Variants in CSNK2A1 observed in about 807,000 individuals in gnomAD.
CSNK2A1 encodes the protein casein kinase 2 alpha 1.
CSNK2A1 carries 10 observed loss-of-function variants against 62.9 expected under a neutral mutation model. That is an observed-to-expected ratio of 0.16 (90% CI 0.10 to 0.27). The LOEUF (loss-of-function observed/expected upper bound fraction) is 0.27. Ranked by LOEUF, CSNK2A1 falls within the 10% of genes least tolerant of loss-of-function variation. The pLI is 1.00. For synonymous variants in CSNK2A1, 124 were observed against 167.8 expected (o/e 0.74, Z 2.02); for missense variants, 160 against 492.0 (o/e 0.33, Z 6.38).
intron 2 of CSNK2A1, among the ~76,000 whole-genome samples, chr20:524,846 G>A (rs923609729): frequency 1.3e-5 from 2 of 151,848 alleles, no homozygotes; most frequent in African/African-American, 4.8e-5. Context: ...ATTAAGAGCT[G>A]GGCACAGCTC....
At position 472,978 on chromosome 20, in the gene CSNK2A1, A is replaced by T. The variant is rs893589924; in HGVS notation, c.*10983T>A. On this transcript the variant is annotated 3_prime_UTR_variant, in exon 14 of 14. Coordinates refer to ENST00000217244, the MANE Select transcript of CSNK2A1 (RefSeq NM_177559.3). The stretch of plus-strand genomic sequence containing the variant: ...AGCTGCGATCACACCACTGCACTTC[A>T]GCCTGGGCAACAGAGCAAGACCTTG... 2.6e-5 allele frequency: 4 copies of T among 152,420 alleles called. No homozygotes were observed. The highest frequency in any genetic ancestry group is 9.6e-5 in the African/African-American group (4 of 41,464). 9.4% of individuals were successfully genotyped at this position (152,420 alleles called of 1,614,324 possible).
In CSNK2A1 at chr20:480,085, C is replaced by T. The variant is rs532531262; in HGVS notation, c.*3876G>A. The T allele has an allele frequency of 2.6e-5, 4 of 152,192 alleles. No homozygotes were observed. The highest frequency in any genetic ancestry group is 4.4e-5 in the Non-Finnish European group (3 of 68,034). 9.4% of individuals were successfully genotyped at this position (152,192 alleles called of 1,614,324 possible). On this transcript the variant is annotated 3_prime_UTR_variant, in exon 14 of 14. Transcript: ENST00000217244. ...TTGGCCAGGATCATTCCTTAGTCTT[C>T]AGATACCTATTTATCAGGGTCTCAT...
At chr20:485,103 A>ATAATAATAATAAT (rs2018059131) in intron 13 of CSNK2A1, among the ~76,000 whole-genome samples, 1 of 26,124 alleles carries the variant, frequency 3.8e-5, no homozygotes, top group African/African-American at 1.2e-4. Flanking sequence ...AAAAAAAAAA[A>ATAATAATAATAAT]AAAAAAATAT....
chr20:486,174 G>T lies in CSNK2A1; in HGVS notation c.1060+202C>A, dbSNP rs143577450. On this transcript the variant is annotated intron_variant, in intron 13 of 13. Coordinates refer to ENST00000217244, the MANE Select transcript of CSNK2A1 (RefSeq NM_177559.3). ...AAAAATTTTCAGCCAGGAATGCTGA[G>T]ATTCTAGCCTAGAAGGGGATACCCT... Among the ~76,000 whole-genome samples, 23 of 152,130 alleles carry T rather than the reference G, an allele frequency of 1.5e-4. No individual in the cohort carries two copies. The East Asian group carries it at 3.9e-3, about 26-fold the overall frequency.
chr20:538,190 GC>G (rs1481632556), intron 1 of CSNK2A1, among the ~76,000 whole-genome samples: 1 of 152,088 alleles, frequency 6.6e-6, no homozygotes, highest in Non-Finnish European at 1.5e-5. Context: ...CAAGTCATCT[GC>G]CCACCTCGGC....
chr20:518,122 C>T (rs1489480289), intron 2 of CSNK2A1, among the ~76,000 whole-genome samples: 1 of 152,164 alleles, frequency 6.6e-6, no homozygotes, highest in East Asian at 1.9e-4. Context: ...TGTGTCACCA[C>T]ACCTGGCCCA....
intron 1 of CSNK2A1, among the ~76,000 whole-genome samples, chr20:536,017 C>G (rs184924088): frequency 6.6e-6 from 1 of 152,200 alleles, no homozygotes; most frequent in East Asian, 1.9e-4. Context: ...AAAGGTAGAC[C>G]TTTTCCTGAG....
rs572185945 is a variant in CSNK2A1, at chr20:477,599, C to T, written c.*6362G>A. On this transcript the variant is annotated 3_prime_UTR_variant, in exon 14 of 14. Coordinates refer to ENST00000217244, the MANE Select transcript of CSNK2A1 (RefSeq NM_177559.3). ...GTTTCAGTTTCTATCTTAGAAAGCC[C>T]GGGAGTCTGTGTCCTATCTCCCTGG... The T allele has an allele frequency of 3.3e-5, 5 of 152,382 alleles. No individual in the cohort carries two copies. The highest frequency in any genetic ancestry group is 2.1e-4 in the South Asian group (1 of 4,824). 9.4% of individuals were successfully genotyped at this position (152,382 alleles called of 1,614,324 possible). A position where few individuals can be genotyped will look rare whatever the true frequency, so the allele number is the denominator to read the frequency against.
intron 3 of CSNK2A1, 129 bp from the exon 4 acceptor site, chr20:505,358 T>G (rs2018553770): frequency 2.9e-6 from 2 of 679,018 alleles, no homozygotes; most frequent in Non-Finnish European, 4.7e-6. Context: ...TAGGTTTTTT[T>G]TTTTTTTTTT....
At position 481,246 on chromosome 20, in the gene CSNK2A1, T is replaced by C. The variant is rs2017950088; in HGVS notation, c.*2715A>G. The C allele has an allele frequency of 6.6e-6, 1 of 152,130 alleles. No individual in the cohort carries two copies. Among genetic ancestry groups the C allele is most frequent in the African/African-American group, 2.4e-5 (1 of 41,414 alleles). 9.4% of individuals were successfully genotyped at this position (152,130 alleles called of 1,614,324 possible). A position where few individuals can be genotyped will look rare whatever the true frequency, so the allele number is the denominator to read the frequency against. ...AGCAAGGTGGGGAGGGCCTTCTGGC[T>C]TCAAACTTAAAAAAAAGCAGAGGAA... On this transcript the variant is annotated 3_prime_UTR_variant, in exon 14 of 14. Transcript: ENST00000217244.
chr20:508,623 T>C lies in CSNK2A1; in HGVS notation c.-72A>G, dbSNP rs2018653921. ...GGCAGTCACTGTGTTCAGAAGCAGC[T>C]GGGGGTAAGACCTTGTTTCAGACCT... On this transcript the variant is annotated 5_prime_UTR_variant, in exon 3 of 14. Transcript: ENST00000217244. The C allele has an allele frequency of 6.6e-7, 1 of 1,505,042 alleles. No homozygotes were observed. The highest frequency in any genetic ancestry group is 9.2e-7 in the Non-Finnish European group (1 of 1,090,204). The allele number at this position is 1,505,042 out of a possible 1,614,324, so 93.2% of individuals were successfully genotyped here.
At chr20:530,317 A>G (rs2019187107) in intron 1 of CSNK2A1, among the ~76,000 whole-genome samples, 1 of 152,202 alleles carries the variant, frequency 6.6e-6, no homozygotes, top group African/African-American at 2.4e-5. Context: ...AGTATCAGTA[A>G]TTCATTTCCT....
intron 2 of CSNK2A1, among the ~76,000 whole-genome samples, chr20:518,168 C>T (rs191886419): frequency 6.6e-6 from 1 of 152,160 alleles, no homozygotes; most frequent in African/African-American, 2.4e-5. Context: ...TAATTATAGC[C>T]AAAAGGGAAT....
chr20:484,098 T>G (rs2018015517), intron 13 of CSNK2A1, 22 bp from the exon 14 acceptor site: 3 of 1,537,102 alleles, frequency 2.0e-6, no homozygotes, highest in Non-Finnish European at 2.6e-6. Context: ...GAGCTGTCAG[T>G]GAGCCAAAGA....
chr20:484,935 C>T (rs920988721), intron 13 of CSNK2A1, among the ~76,000 whole-genome samples: 4 of 148,986 alleles, frequency 2.7e-5, no homozygotes, highest in Non-Finnish European at 6.0e-5. Flanking sequence ...GGCGTCATGG[C>T]GGGCGCCTGT....
chr20:540,134 T>G (rs991887170), intron 1 of CSNK2A1: 2 of 152,234 alleles, frequency 1.3e-5, no homozygotes, highest in Non-Finnish European at 2.9e-5. Context: ...GTGAGTAGTT[T>G]TATCAGCCTG....
At chr20:495,575 G>A (rs1320459846) in intron 8 of CSNK2A1, 144 bp downstream of exon 8, 1 of 624,104 alleles carries the variant, frequency 1.6e-6, no homozygotes, top group Admixed American at 2.5e-5. Flanking sequence ...ATGTTGACTT[G>A]TAAATTCGTA....
At chr20:486,518 G>A (rs368061250) in intron 12 of CSNK2A1, 56 bp from the exon 13 acceptor site, 147 of 1,584,240 alleles carry the variant, frequency 9.3e-5, no homozygotes, top group Non-Finnish European at 1.1e-4. Context: ...TAAACTAATG[G>A]TCTGGAAGCC....
intron 9 of CSNK2A1, among the ~76,000 whole-genome samples, chr20:491,078 T>C (rs556174721): frequency 3.3e-5 from 5 of 152,158 alleles, no homozygotes; most frequent in Admixed American, 3.3e-4. Context: ...AAATGCTTTT[T>C]GAACTCAGGG....
Sources: allele counts gnomAD v4.1 joint callset (sites outside exome capture counted in the v4.1 genomes callset), GRCh38; gene constraint gnomAD v4.1.1; transcripts MANE v1.5; gene names NCBI Gene and HGNC (gene_info 2026-07-23, HGNC 2026-07-21).